PTCH1: variants seen among roughly 807,000 people sequenced by gnomAD.
PTCH1 encodes the protein patched 1.
In PTCH1, 14 loss-of-function variants were observed where a neutral mutation model predicts 144.6. The observed-to-expected ratio is 0.10, with a 90% CI of 0.06 to 0.15. The LOEUF (loss-of-function observed/expected upper bound fraction) is 0.15, where lower values mean the gene tolerates loss of function less well. PTCH1 is among the 10% of genes least tolerant of loss of function. PTCH1 has a pLI of 1.00. For synonymous variants in PTCH1, 833 were observed against 793.6 expected (o/e 1.05, Z -0.83); for missense variants, 1,623 against 1,948.3 (o/e 0.83, Z 3.14).
In PTCH1 at chr9:95,476,825, C is replaced by T; in HGVS notation, c.1536G>A (p.Val512=). The T allele has an allele frequency of 6.2e-7, 1 of 1,614,050 alleles. No homozygotes were observed. The highest frequency in any genetic ancestry group is 8.5e-7 in the Non-Finnish European group (1 of 1,179,958). ...VLPFLALGVG[V]DDVFLLAHAF... The stretch of plus-strand genomic sequence containing the variant: ...CGTGGGCCAGAAGAAAAACATCATC[C>T]ACACCAACACCAAGAGCGAGAAATG... The change falls in exon 11 of 24, where the codon GTG becomes GTA. Residue 512 remains valine (V), a synonymous_variant. Coordinates refer to ENST00000331920, the MANE Select transcript of PTCH1 (RefSeq NM_000264.5). The surrounding 1 kb of genome is among the most constrained non-coding windows in gnomAD (Gnocchi z 4.6).
At chr9:95,509,574 C>T (rs546641458), upstream of PTCH1, among the ~76,000 whole-genome samples, 1 of 152,348 alleles carries the variant, frequency 6.6e-6, no homozygotes, top group East Asian at 1.9e-4. Flanking sequence ...ACAGTGTCTT[C>T]TTTTTGTGGG....
At chr9:95,493,486 T>C (rs190646071) in intron 2 of PTCH1, among the ~76,000 whole-genome samples, 32 of 152,238 alleles carry the variant, frequency 2.1e-4, no homozygotes, top group Admixed American at 9.8e-4. Flanking sequence ...CAGGCAGTCA[T>C]CTGTATAAGT....
rs771970960 is a variant in PTCH1, at chr9:95,459,583, G to A, written c.2887+17C>T. 1.2e-5 allele frequency: 20 copies of A among 1,612,646 alleles called. No homozygotes were observed. Among genetic ancestry groups the A allele is most frequent in the Admixed American group, 3.3e-5 (2 of 60,002 alleles). ...ACCTCTGTAAGTTCCCAGACCTCCC[G>A]ATAAAACGCTACTTACTTCTCAGCC... On this transcript the variant is annotated intron_variant, in intron 17 of 23. Transcript: ENST00000331920.
Position 95,447,013 on chromosome 9 carries a change from G to GC in PTCH1, c.4242dup (p.Pro1415AlafsTer7). On this transcript the variant is annotated frameshift_variant, in exon 23 of 24. Transcript: ENST00000331920. LOFTEE classifies it high-confidence loss of function. ...CTCCTCTCACACCGGACGTGGAAAG[G>GC]CACGTGGGGGTCCTCAAACAGGCCG... The GC allele has an allele frequency of 6.2e-7, 1 of 1,614,216 alleles. No homozygotes were observed. The highest frequency in any genetic ancestry group is 8.5e-7 in the Non-Finnish European group (1 of 1,180,038).
chr9:95,468,644 T>A, intron 14 of PTCH1, 107 bp downstream of exon 14: 2 of 990,600 alleles, frequency 2.0e-6, no homozygotes, highest in African/African-American at 4.8e-5. Context: ...TAAACGAAAT[T>A]TTTTTTTTTT....
Position 95,458,303 on chromosome 9 carries a change from G to A in PTCH1, c.2888-10C>T, listed in dbSNP as rs2136663073. ...GGCTCTGCTGCCGGGACTGGACAGA[G>A]AAGGGCACAGGTTAGGAGCAGCCCA... On this transcript the variant is annotated splice_polypyrimidine_tract_variant and intron_variant, in intron 17 of 23. Coordinates refer to ENST00000331920, the MANE Select transcript of PTCH1 (RefSeq NM_000264.5). The surrounding 1 kb of genome is among the most constrained non-coding windows in gnomAD (Gnocchi z 4.7). 1 of 1,613,278 alleles carries A rather than the reference G, an allele frequency of 6.2e-7. No homozygotes were observed. The highest frequency in any genetic ancestry group is 8.5e-7 in the Non-Finnish European group (1 of 1,179,832).
upstream of PTCH1, among the ~76,000 whole-genome samples, chr9:95,510,126 TAAAA>T (rs1451364388): frequency 6.6e-6 from 1 of 152,174 alleles, no homozygotes; most frequent in African/African-American, 2.4e-5. Context: ...GTGACATAAG[TAAAA>T]GAGAAACAAC....
intron 2 of PTCH1, chr9:95,494,472 C>T: frequency 2.0e-6 from 2 of 982,472 alleles, no homozygotes; most frequent in South Asian, 4.7e-5. Context: ...AAGAACGTTG[C>T]TGACTTCCTG....
chr9:95,443,225 C>T lies in PTCH1; in HGVS notation c.*3168G>A, dbSNP rs924981419. 1 of 152,118 alleles carries T rather than the reference C, an allele frequency of 6.6e-6. No individual in the cohort carries two copies. Among genetic ancestry groups the T allele is most frequent in the Non-Finnish European group, 1.5e-5 (1 of 68,016 alleles). 9.4% of individuals were successfully genotyped at this position (152,118 alleles called of 1,614,324 possible). A position where few individuals can be genotyped will look rare whatever the true frequency, so the allele number is the denominator to read the frequency against. On this transcript the variant is annotated 3_prime_UTR_variant, in exon 24 of 24. Coordinates refer to ENST00000331920, the MANE Select transcript of PTCH1 (RefSeq NM_000264.5). The stretch of plus-strand genomic sequence containing the variant: ...TTTGTAATACATCCATGTAACAGAG[C>T]TATGCTTATACCCACTATTTATACA...
rs200100952 is a variant in PTCH1, at chr9:95,447,229, C to T, written c.4027G>A (p.Gly1343Arg). 134 of 1,611,462 alleles carry T rather than the reference C, an allele frequency of 8.3e-5. 1 individual carries two copies. Among genetic ancestry groups the T allele is most frequent in the South Asian group, 9.9e-5 (9 of 91,076 alleles). ...PSNRARWGPR[G>R]ARSHNPRNPA... Reference sequence around the variant, plus strand: ...TTCCGAGGGTTGTGAGAACGGGCCCCGCGAGGGCCCCAGCGGGCCCTATTG... The same window carrying T: ...TTCCGAGGGTTGTGAGAACGGGCCCTGCGAGGGCCCCAGCGGGCCCTATTG... Residue 1343 changes from glycine (G) to arginine (R), a missense_variant, in exon 23 of 24, where the codon GGG (glycine) becomes AGG (arginine). Gly to Arg is a moderately radical substitution (Grantham distance 125). Transcript: ENST00000331920.
At chr9:95,488,764 C>G (rs1206703891) in intron 2 of PTCH1, among the ~76,000 whole-genome samples, 1 of 152,076 alleles carries the variant, frequency 6.6e-6, no homozygotes. Context: ...AAGTGTGATG[C>G]AGAAAACGAA....
chr9:95,502,197 C>G (rs1843196973), intron 2 of PTCH1, among the ~76,000 whole-genome samples: 1 of 152,182 alleles, frequency 6.6e-6, no homozygotes, highest in African/African-American at 2.4e-5. Flanking sequence ...GCCCCTGTGC[C>G]TAGCTCAGGC....
At chr9:95,466,370 TTTAA>T (rs1481749673) in intron 15 of PTCH1, among the ~76,000 whole-genome samples, 7 of 152,148 alleles carry the variant, frequency 4.6e-5, no homozygotes, top group African/African-American at 1.7e-4. Context: ...TAAAACAGAA[TTTAA>T]TTATTTATAA....
rs539495625 is a variant in PTCH1, at chr9:95,462,028, A to G, written c.2561-30T>C. 12 of 1,614,134 alleles carry G rather than the reference A, an allele frequency of 7.4e-6. No homozygotes were observed. The African/African-American group carries it at 8.0e-5, about 11-fold the overall frequency. ...AAATGGCAAATGATTGTAACACATT[A>G]TAACTCGCAGCCAGAAGGACCCTGG... On this transcript the variant is annotated intron_variant, in intron 15 of 23. Coordinates refer to ENST00000331920, the MANE Select transcript of PTCH1 (RefSeq NM_000264.5).
rs73654562 is a variant in PTCH1, at chr9:95,455,960, G to A, written c.3306+316C>T. ...CCGCCTTATGAACAAACGTCACAAC[G>A]TCAGGAATCGTGGGGGTATAATGAC... On this transcript the variant is annotated intron_variant, in intron 19 of 23. Coordinates refer to ENST00000331920, the MANE Select transcript of PTCH1 (RefSeq NM_000264.5). 8.4e-3 allele frequency among the ~76,000 whole-genome samples: 1,272 copies of A among 152,286 alleles called. 11 individuals carry two copies. Among genetic ancestry groups the A allele is most frequent in the African/African-American group, 0.029 (1,209 of 41,570 alleles).
chr9:95,513,718 G>A (rs1056462668), upstream of PTCH1, among the ~76,000 whole-genome samples: 5 of 152,124 alleles, frequency 3.3e-5, no homozygotes, highest in Admixed American at 3.3e-4. Context: ...CAGGGAAGTC[G>A]GGGACGGGGT....
upstream of PTCH1, among the ~76,000 whole-genome samples, chr9:95,510,020 A>C (rs936676183): frequency 6.7e-6 from 1 of 150,248 alleles, no homozygotes; most frequent in Non-Finnish European, 1.5e-5. Flanking sequence ...AAAAAAACAC[A>C]GTCTTGGTTT....
At position 95,445,877 on chromosome 9, in the gene PTCH1, C is replaced by A; in HGVS notation, c.*516G>T. ...TCTGCTCATTAAACAAAAAAATTAT[C>A]ACGCATAGCGTGTTTGAAAGTTAAC... On this transcript the variant is annotated 3_prime_UTR_variant, in exon 24 of 24. Transcript: ENST00000331920. 6.4e-6 allele frequency: 1 copy of A among 155,862 alleles called. No homozygotes were observed. The highest frequency in any genetic ancestry group is 1.4e-5 in the Non-Finnish European group (1 of 69,938). 9.7% of individuals were successfully genotyped at this position (155,862 alleles called of 1,614,324 possible).
chr9:95,493,338 G>C (rs1318701225), intron 2 of PTCH1, among the ~76,000 whole-genome samples: 1 of 152,206 alleles, frequency 6.6e-6, no homozygotes, highest in Non-Finnish European at 1.5e-5. Flanking sequence ...GGGACCAACC[G>C]AAGTTATTTT....
Sources: gnomAD v4.1 joint callset for allele counts (sites outside exome capture counted in the v4.1 genomes callset) on GRCh38, gnomAD v4.1.1 for gene constraint, Gnocchi (gnomAD v3.1) non-coding constraint, MANE v1.5 for transcripts, NCBI Gene and HGNC (gene_info 2026-07-23, HGNC 2026-07-21) for gene names.